The following KAZN variants were observed in gnomAD, a reference collection of about 807,000 sequenced individuals.
KAZN encodes kazrin, periplakin interacting protein.
Under a neutral mutation model 87.4 loss-of-function variants are expected in KAZN, and 40 were observed. That is an observed-to-expected ratio of 0.46 (90% CI 0.36 to 0.60). KAZN has a LOEUF of 0.60. Ranked by LOEUF, KAZN falls within the 20% of genes least tolerant of loss-of-function variation. KAZN has a pLI of 0.00. For synonymous variants in KAZN, 466 were observed against 458.3 expected (o/e 1.02, Z -0.22); for missense variants, 898 against 1,073.9 (o/e 0.84, Z 2.29).
intron 8 of KAZN, chr1:15,067,255 G>A (rs557108328): frequency 1.0e-6 from 1 of 985,544 alleles, no homozygotes; most frequent in South Asian, 4.7e-5. Context: ...GGTTCCATCA[G>A]CCACACTTAG....
In KAZN at chr1:14,856,255, T is replaced by G. The variant is rs184390727; in HGVS notation, c.227-104429T>G. Among the ~76,000 whole-genome samples the G allele has an allele frequency of 6.6e-6, 1 of 152,178 alleles. No homozygotes were observed. Among genetic ancestry groups the G allele is most frequent in the Non-Finnish European group, 1.5e-5 (1 of 68,046 alleles). On this transcript the variant is annotated intron_variant, in intron 1 of 14. Coordinates refer to ENST00000376030, the MANE Select transcript of KAZN (RefSeq NM_201628.3). This position sits in a 1 kb window ranked among gnomAD's most constrained non-coding sequence, Gnocchi z 5.2. ...AAGACCAGAAATAACTTTCCCCACGTGCATTATTAAGTGAATGTGAAGAAT... is the reference window on the plus strand; with the variant it reads ...AAGACCAGAAATAACTTTCCCCACGGGCATTATTAAGTGAATGTGAAGAAT...
intron 2 of KAZN, among the ~76,000 whole-genome samples, chr1:15,029,852 C>A (rs1361096445): frequency 1.3e-5 from 2 of 152,202 alleles, no homozygotes; most frequent in Admixed American, 6.5e-5. Flanking sequence ...GCCCATGCGA[C>A]CTGCTGAGTA....
chr1:14,737,263 T>G (rs1643937473), intron 1 of KAZN, among the ~76,000 whole-genome samples: 1 of 151,968 alleles, frequency 6.6e-6, no homozygotes, highest in Admixed American at 6.6e-5. Context: ...GCAGGAGTGA[T>G]CAGATGGGAC....
intron 1 of KAZN, among the ~76,000 whole-genome samples, chr1:14,832,830 C>G (rs1417962128): frequency 6.6e-6 from 1 of 152,136 alleles, no homozygotes; most frequent in Non-Finnish European, 1.5e-5. Flanking sequence ...AGCAATATAT[C>G]ATGACCTGTG....
chr1:14,143,944 C>T (rs553444260), intron 1 of KAZN, among the ~76,000 whole-genome samples: 7 of 152,254 alleles, frequency 4.6e-5, no homozygotes, highest in African/African-American at 1.7e-4. Flanking sequence ...TATCAAACTC[C>T]TGGGCTCAAG....
intron 1 of KAZN, among the ~76,000 whole-genome samples, chr1:13,945,095 G>C (rs1420018602): frequency 6.6e-6 from 1 of 152,032 alleles, no homozygotes; most frequent in Non-Finnish European, 1.5e-5. Context: ...GACATTACTA[G>C]ATATAAAGAG....
chr1:14,512,521 A>G (rs1302275257), intron 2 of KAZN, among the ~76,000 whole-genome samples: 2 of 125,202 alleles, frequency 1.6e-5, no homozygotes, highest in South Asian at 2.8e-4. Flanking sequence ...ATTAGGCTGC[A>G]TGGGTAGATT....
intron 1 of KAZN, among the ~76,000 whole-genome samples, chr1:14,654,530 C>T (rs1439658207): frequency 3.3e-5 from 5 of 152,002 alleles, no homozygotes; most frequent in African/African-American, 1.2e-4. Context: ...CTTTAAGACT[C>T]ACTCACCTAA....
intron 1 of KAZN, among the ~76,000 whole-genome samples, chr1:14,631,203 C>T (rs1679535456): frequency 6.6e-6 from 1 of 152,140 alleles, no homozygotes; most frequent in Admixed American, 6.5e-5. Context: ...GAAGTGACCC[C>T]CTCTGCGCTG....
intron 2 of KAZN, among the ~76,000 whole-genome samples, chr1:14,224,652 A>G (rs951661908): frequency 6.6e-6 from 1 of 152,148 alleles, no homozygotes; most frequent in Non-Finnish European, 1.5e-5. Context: ...AAGAAATGAC[A>G]TAGTAGGGGA....
At chr1:14,957,408 C>T (rs572349447) in intron 1 of KAZN, among the ~76,000 whole-genome samples, 17 of 152,192 alleles carry the variant, frequency 1.1e-4, no homozygotes, top group African/African-American at 3.9e-4. Context: ...CAGACGTTAC[C>T]GAGTGCCCGT....
chr1:14,764,386 ACC>A (rs55743205), intron 1 of KAZN, among the ~76,000 whole-genome samples: 33 of 117,550 alleles, frequency 2.8e-4, no homozygotes, highest in African/African-American at 9.8e-4. Flanking sequence ...CCTCCCCCAC[ACC>A]CCCCCCACAA....
chr1:14,344,160 A>ATT (rs751631785), intron 2 of KAZN, among the ~76,000 whole-genome samples: 1 of 92,778 alleles, frequency 1.1e-5, no homozygotes, highest in Non-Finnish European at 2.2e-5. Flanking sequence ...CCATTCATGT[A>ATT]TTCTTTTTTT....
chr1:15,100,062 A>G (rs1640988143), intron 10 of KAZN, among the ~76,000 whole-genome samples: 2 of 152,104 alleles, frequency 1.3e-5, no homozygotes. Context: ...AGGCTGAGAG[A>G]GGAAAGAGGA....
intron 1 of KAZN, among the ~76,000 whole-genome samples, chr1:14,721,546 CTTG>C (rs1643106396): frequency 6.6e-6 from 1 of 152,204 alleles, no homozygotes; most frequent in African/African-American, 2.4e-5. Flanking sequence ...TGAAGGCAGC[CTTG>C]TTCGTGTTCG....
chr1:15,000,856 C>T lies in KAZN; in HGVS notation c.419-33893C>T, dbSNP rs564147089. Among the ~76,000 whole-genome samples the T allele has an allele frequency of 5.7e-4, 86 of 152,082 alleles. 3 individuals are homozygous for T. The highest frequency in any genetic ancestry group is 1.9e-3 in the African/African-American group (79 of 41,328). On this transcript the variant is annotated intron_variant, in intron 2 of 14. Coordinates refer to ENST00000376030, the MANE Select transcript of KAZN (RefSeq NM_201628.3). ...CAGTGGCTCACGCCTGTAATCCCAA[C>T]GCTTTGGGAGGCCAAGGCGGGAGAA... is the stretch of plus-strand genomic sequence containing the variant.
At chr1:14,342,397 T>C (rs1657797931) in intron 2 of KAZN, among the ~76,000 whole-genome samples, 1 of 152,198 alleles carries the variant, frequency 6.6e-6, no homozygotes, top group African/African-American at 2.4e-5. Context: ...TTTTAGGCCT[T>C]TGAGGAACTG....
At chr1:14,581,949 C>T (rs1410422819) in intron 2 of KAZN, among the ~76,000 whole-genome samples, 1 of 152,158 alleles carries the variant, frequency 6.6e-6, no homozygotes, top group Non-Finnish European at 1.5e-5. Flanking sequence ...CCCCTTCCCA[C>T]ACATTATATA....
intron 1 of KAZN, among the ~76,000 whole-genome samples, chr1:14,094,390 A>C (rs1644079859): frequency 6.6e-6 from 1 of 152,194 alleles, no homozygotes; most frequent in South Asian, 2.1e-4. Flanking sequence ...CCTTCAGGTA[A>C]GTCAAAAATT....
Sources: allele counts gnomAD v4.1 joint callset (sites outside exome capture counted in the v4.1 genomes callset), GRCh38; gene constraint gnomAD v4.1.1; non-coding constraint Gnocchi (gnomAD v3.1); transcripts MANE v1.5; gene names NCBI Gene and HGNC (gene_info 2026-07-23, HGNC 2026-07-21).